The following HOOK1 variants were observed in gnomAD, a reference collection of about 807,000 sequenced individuals.
The protein encoded by HOOK1 is protein Hook homolog 1.
A neutral mutation model predicts 112.8 loss-of-function variants in HOOK1; 60 were observed. That is an observed-to-expected ratio of 0.53 (90% CI 0.43 to 0.66). HOOK1 has a LOEUF of 0.66. HOOK1 is among the 30% of genes least tolerant of loss of function. The pLI, the probability that HOOK1 is intolerant of heterozygous loss-of-function variation, is 0.00. For missense variants in HOOK1, 770 were observed against 856.0 expected, an observed-to-expected ratio of 0.90 and a Z score of 1.25; for synonymous variants, 294 against 283.8, an observed-to-expected ratio of 1.04 and a Z score of -0.36.
At chr1:59,834,969 A>G (rs1405954626) in intron 5 of HOOK1, among the ~76,000 whole-genome samples, 2 of 152,088 alleles carry the variant, frequency 1.3e-5, no homozygotes, top group African/African-American at 2.4e-5. Context: ...AAAAATTTTA[A>G]TATTATATGT....
intron 7 of HOOK1, among the ~76,000 whole-genome samples, chr1:59,837,469 A>C (rs1169347755): frequency 6.6e-6 from 1 of 152,146 alleles, no homozygotes; most frequent in African/African-American, 2.4e-5. Flanking sequence ...TTCTTTTATG[A>C]GTGTCGCCAG....
At chr1:59,856,356 CT>C (rs2098410767) in intron 12 of HOOK1, among the ~76,000 whole-genome samples, 1 of 151,506 alleles carries the variant, frequency 6.6e-6, no homozygotes, top group African/African-American at 2.4e-5. Context: ...GCTATAATTT[CT>C]TTTAATTCTT....
In HOOK1 at chr1:59,865,347, G is replaced by A. The variant is rs1019504924; in HGVS notation, c.1744+102G>A. On this transcript the variant is annotated intron_variant, in intron 18 of 21. Coordinates refer to ENST00000371208, the MANE Select transcript of HOOK1 (RefSeq NM_015888.6). ...CTATGTGTAAGTTTTTGCACAATGT[G>A]TAGATACATATATTGTAAATAAGGA... is the stretch of plus-strand genomic sequence containing the variant. 33 of 639,392 alleles carry A rather than the reference G, an allele frequency of 5.2e-5. No homozygotes were observed. In the South Asian group the frequency reaches 5.9e-4, roughly 11 times the overall value. 39.6% of individuals were successfully genotyped at this position (639,392 alleles called of 1,614,324 possible).
chr1:59,854,780 A>G (rs1370559116), intron 12 of HOOK1, among the ~76,000 whole-genome samples: 1 of 152,000 alleles, frequency 6.6e-6, no homozygotes, highest in East Asian at 1.9e-4. Context: ...GATCCTTTTT[A>G]GTTTATTGTA....
chr1:59,846,927 T>A (rs927720562), intron 9 of HOOK1, 118 bp from the exon 10 acceptor site: 8 of 628,948 alleles, frequency 1.3e-5, no homozygotes, highest in Non-Finnish European at 2.0e-5. Context: ...TTATTCATCA[T>A]ATATTTTATT....
intron 7 of HOOK1, among the ~76,000 whole-genome samples, chr1:59,837,578 C>CT (rs764994826): frequency 6.6e-6 from 1 of 152,096 alleles, no homozygotes; most frequent in Non-Finnish European, 1.5e-5. Context: ...TGTAATAAAA[C>CT]TAAACAATGC....
At chr1:59,866,872 A>G (rs920111625) in intron 19 of HOOK1, among the ~76,000 whole-genome samples, 4 of 152,180 alleles carry the variant, frequency 2.6e-5, no homozygotes, top group East Asian at 1.9e-4. Context: ...AAATAAGACT[A>G]TAGTCAACAT....
At chr1:59,857,501 T>C (rs2098411332) in intron 12 of HOOK1, among the ~76,000 whole-genome samples, 1 of 152,226 alleles carries the variant, frequency 6.6e-6, no homozygotes, top group South Asian at 2.1e-4. Flanking sequence ...TGTGCTAGTG[T>C]GTGCATTACG....
At chr1:59,836,555 AAATT>A (rs1166124618) in intron 6 of HOOK1, among the ~76,000 whole-genome samples, 1 of 152,226 alleles carries the variant, frequency 6.6e-6, no homozygotes, top group Non-Finnish European at 1.5e-5. Context: ...ATCCCTTTAA[AAATT>A]ATTTAATGTG....
chr1:59,840,395 C>T lies in HOOK1; in HGVS notation c.621+4C>T, dbSNP rs763209205. 3.2e-5 allele frequency: 50 copies of T among 1,538,582 alleles called. No individual in the cohort carries two copies. Among genetic ancestry groups the T allele is most frequent in the African/African-American group, 2.0e-4 (14 of 71,162 alleles). ...ATGTGAAGAATTGGATATGCAGGTA[C>T]GGGAAAAAACCCTGAGCTGAGAAAA... On this transcript the variant is annotated splice_donor_region_variant and intron_variant, in intron 8 of 21. Coordinates refer to ENST00000371208, the MANE Select transcript of HOOK1 (RefSeq NM_015888.6).
At chr1:59,855,980 ATATATTTTTTT>A (rs2098410483) in intron 12 of HOOK1, among the ~76,000 whole-genome samples, 1 of 68,924 alleles carries the variant, frequency 1.5e-5, no homozygotes, top group African/African-American at 6.4e-5. Context: ...ATATATATAT[ATATATTTTTTT>A]TTTTTTTTTT....
At chr1:59,835,611 A>T (rs1273283988) in intron 6 of HOOK1, among the ~76,000 whole-genome samples, 199 bp downstream of exon 6, 1 of 152,084 alleles carries the variant, frequency 6.6e-6, no homozygotes, top group Non-Finnish European at 1.5e-5. Flanking sequence ...CTGCATTTTA[A>T]AAGCTGGTTA....
intron 3 of HOOK1, among the ~76,000 whole-genome samples, chr1:59,829,193 C>T (rs1373370755): frequency 6.6e-6 from 1 of 152,084 alleles, no homozygotes; most frequent in Non-Finnish European, 1.5e-5. Flanking sequence ...ACTTCATTCA[C>T]TCAGTGTAAT....
chr1:59,862,177 G>A (rs2098413982), intron 15 of HOOK1, among the ~76,000 whole-genome samples: 1 of 152,126 alleles, frequency 6.6e-6, no homozygotes, highest in Non-Finnish European at 1.5e-5. Flanking sequence ...CTGCAACAGT[G>A]GAATATTATA....
At chr1:59,816,052 A>T (rs923144324) in intron 1 of HOOK1, among the ~76,000 whole-genome samples, 2 of 152,112 alleles carry the variant, frequency 1.3e-5, no homozygotes, top group African/African-American at 4.8e-5. Flanking sequence ...ATGGTGTTTG[A>T]TGAGCCACAA....
In HOOK1 at chr1:59,876,039, T is replaced by G. The variant is rs1349503270; in HGVS notation, c.*3074T>G. 2 of 152,680 alleles carry G rather than the reference T, an allele frequency of 1.3e-5. No homozygotes were observed. The highest frequency in any genetic ancestry group is 2.9e-5 in the Non-Finnish European group (2 of 68,050). The allele number at this position is 152,680 out of a possible 1,614,324, so 9.5% of individuals were successfully genotyped here. On this transcript the variant is annotated 3_prime_UTR_variant, in exon 22 of 22. Coordinates refer to ENST00000371208, the MANE Select transcript of HOOK1 (RefSeq NM_015888.6). ...TTAAGTTCACTAAATGTGTATTTAA[T>G]GAGAAACATTCCTATGTAAAAATGT...
chr1:59,865,442 G>T lies in HOOK1; in HGVS notation c.1744+197G>T, dbSNP rs114138976. Reference sequence around the variant, plus strand: ...ATTAAAGCAAAAAATCTAATAAAATGAATTGATGGATATATGGGAGTATCA... The same window carrying T: ...ATTAAAGCAAAAAATCTAATAAAATTAATTGATGGATATATGGGAGTATCA... On this transcript the variant is annotated intron_variant, in intron 18 of 21. Transcript: ENST00000371208. Among the ~76,000 whole-genome samples the T allele has an allele frequency of 4.4e-3, 675 of 152,176 alleles. 4 individuals are homozygous for T. Among genetic ancestry groups the T allele is most frequent in the African/African-American group, 0.016 (645 of 41,552 alleles).
intron 2 of HOOK1, among the ~76,000 whole-genome samples, chr1:59,823,906 T>C (rs1353539155): frequency 2.6e-5 from 4 of 152,250 alleles, no homozygotes; most frequent in Admixed American, 2.6e-4. Context: ...CATTAACAAA[T>C]GGCCAGTGCC....
At position 59,860,249 on chromosome 1, in the gene HOOK1, G is replaced by A. The variant is rs777242641; in HGVS notation, c.1453G>A (p.Glu485Lys). 6.2e-7 allele frequency: 1 copy of A among 1,610,888 alleles called. No individual in the cohort carries two copies. The highest frequency in any genetic ancestry group is 1.1e-5 in the South Asian group (1 of 90,580). ...GCTTCGCTTACAGCAAGAAGGCTCTGAGAATGAACGTATTGAGGAACTTCA... is the reference window on the plus strand; with the variant it reads ...GCTTCGCTTACAGCAAGAAGGCTCTAAGAATGAACGTATTGAGGAACTTCA... Reference protein sequence around the residue: ...KMLRLQQEGSENERIEELQEQ... With the variant: ...KMLRLQQEGSKNERIEELQEQ... The change falls in exon 15 of 22, where the codon GAG (glutamate) becomes AAG (lysine). Residue 485 changes from glutamate to lysine, a missense_variant. Glu to Lys is a moderately conservative substitution (Grantham distance 56). Around this residue, in one of 3 missense-constraint regions of HOOK1, gnomAD observed 655 missense variants for 725.9 expected, o/e 0.90. Transcript: ENST00000371208.
Sources: allele counts gnomAD v4.1 joint callset (sites outside exome capture counted in the v4.1 genomes callset), GRCh38; gene constraint gnomAD v4.1.1; regional missense constraint gnomAD v4.1.1; transcripts MANE v1.5; gene names NCBI Gene and HGNC (gene_info 2026-07-23, HGNC 2026-07-21).